The following PAX5 variants were observed in gnomAD, a reference collection of about 807,000 sequenced individuals.
The protein encoded by PAX5 is paired box 5, also known as paired box protein Pax-5.
Under a neutral mutation model 43.7 loss-of-function variants are expected in PAX5, and 9 were observed. The observed-to-expected ratio is 0.21, with a 90% confidence interval of 0.12 to 0.36. The LOEUF (loss-of-function observed/expected upper bound fraction) is 0.36. Ranked by LOEUF, PAX5 falls within the 10% of genes least tolerant of loss-of-function variation. The probability of loss-of-function intolerance (pLI) is 1.00; values close to 1 mark genes in which losing one functional copy is unlikely to be tolerated. For synonymous variants in PAX5, 228 were observed against 214.3 expected, an observed-to-expected ratio of 1.06 and a Z score of -0.56; for missense variants, 383 against 532.7, an observed-to-expected ratio of 0.72 and a Z score of 2.77.
intron 7 of PAX5, among the ~76,000 whole-genome samples, chr9:36,910,289 G>C (rs374947498): frequency 1.1e-4 from 17 of 151,850 alleles, no homozygotes; most frequent in African/African-American, 4.1e-4. Flanking sequence ...CCTTTTTTAC[G>C]CAAAGGCAGC....
At chr9:36,949,722 T>C (rs916612899) in intron 6 of PAX5, among the ~76,000 whole-genome samples, 2 of 152,164 alleles carry the variant, frequency 1.3e-5, no homozygotes, top group African/African-American at 4.8e-5. Context: ...CACTCCCCAG[T>C]AGAAAGCACA....
chr9:37,008,571 C>T (rs1247751614), intron 3 of PAX5, among the ~76,000 whole-genome samples: 1 of 152,166 alleles, frequency 6.6e-6, no homozygotes, highest in Non-Finnish European at 1.5e-5. Context: ...GCTTGGTGCT[C>T]GGCACCAAGG....
chr9:36,972,611 G>C (rs534184536), intron 5 of PAX5, among the ~76,000 whole-genome samples: 85 of 152,312 alleles, frequency 5.6e-4, no homozygotes, highest in African/African-American at 1.9e-3. Flanking sequence ...CCATCCTCTT[G>C]AATGAGCACT....
Position 37,034,184 on chromosome 9 carries a change from C to T in PAX5, c.-153G>A, listed in dbSNP as rs1231477440. 2 of 599,408 alleles carry T rather than the reference C, an allele frequency of 3.3e-6. No homozygotes were observed. Among genetic ancestry groups the T allele is most frequent in the African/African-American group, 2.0e-5 (1 of 51,212 alleles). The allele number at this position is 599,408 out of a possible 1,614,324, so 37.1% of individuals were successfully genotyped here. ...TCAAGCCTTCCGCTCCCCCGCCGAG[C>T]TGGGGTAGCTGATCACTGAGCTGAA... On this transcript the variant is annotated 5_prime_UTR_variant, in exon 1 of 10. Transcript: ENST00000358127.
chr9:37,023,049 G>A (rs541325926), intron 1 of PAX5, among the ~76,000 whole-genome samples: 4 of 152,260 alleles, frequency 2.6e-5, no homozygotes, highest in South Asian at 2.1e-4. Context: ...TGAATGAGGC[G>A]AGGCAGGACA....
At chr9:36,930,867 T>C in intron 6 of PAX5, 4 of 1,308,268 alleles carry the variant, frequency 3.1e-6, no homozygotes, top group Non-Finnish European at 4.0e-6. Flanking sequence ...CTGGGCATCA[T>C]TTGGGTCCCT....
chr9:37,020,712 G>T lies in PAX5; in HGVS notation c.136C>A (p.His46Asn). The change falls in exon 2 of 10, where the codon CAT becomes AAT. Residue 46 changes from histidine to asparagine, a missense_variant. His to Asn is a moderately conservative substitution (Grantham distance 68). Coordinates refer to ENST00000358127, the MANE Select transcript of PAX5 (RefSeq NM_016734.3). The stretch of plus-strand genomic sequence containing the variant: ...ATGTCGCAGGGCCTGACACCTTGAT[G>T]AGCAAGTTCCACTATCCTCTGGCGG... ...VVRQRIVELAHQGVRPCDISR... is the reference protein window; with the variant it reads ...VVRQRIVELANQGVRPCDISR... 7 of 1,614,174 alleles carry T rather than the reference G, an allele frequency of 4.3e-6. No homozygotes were observed. The highest frequency in any genetic ancestry group is 5.9e-6 in the Non-Finnish European group (7 of 1,180,038).
At chr9:36,876,573 T>A (rs1006941749) in intron 8 of PAX5, among the ~76,000 whole-genome samples, 1 of 152,250 alleles carries the variant, frequency 6.6e-6, no homozygotes, top group African/African-American at 2.4e-5. Context: ...TTTGCAACCA[T>A]GTTAGGTTGC....
chr9:36,965,701 C>T (rs1381200425), intron 6 of PAX5, among the ~76,000 whole-genome samples: 1 of 152,200 alleles, frequency 6.6e-6, no homozygotes, highest in Non-Finnish European at 1.5e-5. Flanking sequence ...AGGAAAGTGC[C>T]GAGGAAAGTT....
chr9:36,904,505 T>C (rs1390140968), intron 7 of PAX5, among the ~76,000 whole-genome samples: 1 of 152,010 alleles, frequency 6.6e-6, no homozygotes, highest in African/African-American at 2.4e-5. Flanking sequence ...CATTTATAGA[T>C]GATCTCAGGG....
intron 8 of PAX5, among the ~76,000 whole-genome samples, chr9:36,869,773 A>G (rs958742844): frequency 6.6e-6 from 1 of 152,250 alleles, no homozygotes; most frequent in African/African-American, 2.4e-5. Flanking sequence ...GGAGAAGGAA[A>G]GGAAGGAAGC....
At chr9:36,923,599 G>A in intron 6 of PAX5, 115 bp from the exon 7 acceptor site, 1 of 1,191,464 alleles carries the variant, frequency 8.4e-7, no homozygotes, top group Non-Finnish European at 1.2e-6. Context: ...CCTGTGCCAA[G>A]GCCCACAAGG....
rs774995170 is a variant in PAX5 at position 36,835,197 on chromosome 9, A to G, written c.*5363T>C. ...TTCTGAATGGTGGCTACGTTTACCC[A>G]TCTTGGAGATGAGCTAAAGGGGACC... On this transcript the variant is annotated 3_prime_UTR_variant, in exon 10 of 10. Transcript: ENST00000358127. 7.3e-5 allele frequency: 17 copies of G among 233,148 alleles called. No homozygotes were observed. The highest frequency in any genetic ancestry group is 1.1e-4 in the Non-Finnish European group (13 of 118,032). 14.4% of individuals were successfully genotyped at this position (233,148 alleles called of 1,614,324 possible).
intron 5 of PAX5, among the ~76,000 whole-genome samples, chr9:36,969,674 C>A (rs7858982): frequency 6.6e-6 from 1 of 152,252 alleles, no homozygotes; most frequent in Admixed American, 6.5e-5. Flanking sequence ...ATAGCCTCTG[C>A]CAGCTGAGCC....
At chr9:37,030,899 A>T (rs1015083018) in intron 1 of PAX5, among the ~76,000 whole-genome samples, 1 of 152,264 alleles carries the variant, frequency 6.6e-6, no homozygotes, top group African/African-American at 2.4e-5. Context: ...AATAGGGCTC[A>T]GACTGGTTGC....
At chr9:36,925,422 A>G (rs1029241047) in intron 6 of PAX5, among the ~76,000 whole-genome samples, 2 of 152,190 alleles carry the variant, frequency 1.3e-5, no homozygotes, top group Non-Finnish European at 2.9e-5. Context: ...GAGCTACAGT[A>G]ATTAAGACAG....
chr9:36,848,199 C>T (rs1296311596), intron 8 of PAX5, among the ~76,000 whole-genome samples: 1 of 152,086 alleles, frequency 6.6e-6, no homozygotes, highest in Admixed American at 6.5e-5. Context: ...CAAGAGCCTG[C>T]TCTCTCTCCT....
chr9:36,950,977 C>T (rs548577987), intron 6 of PAX5, among the ~76,000 whole-genome samples: 3 of 152,176 alleles, frequency 2.0e-5, no homozygotes, highest in Admixed American at 1.3e-4. Flanking sequence ...CTCCTGACCT[C>T]GTGATCCGCC....
chr9:37,022,041 TG>T (rs970563740), intron 1 of PAX5, among the ~76,000 whole-genome samples: 1 of 152,184 alleles, frequency 6.6e-6, no homozygotes, highest in Non-Finnish European at 1.5e-5. Context: ...CCCAGGTTCA[TG>T]AACCTCATCT....
Sources: gnomAD v4.1 joint callset for allele counts (sites outside exome capture counted in the v4.1 genomes callset) on GRCh38, gnomAD v4.1.1 for gene constraint, MANE v1.5 for transcripts, NCBI Gene and HGNC (gene_info 2026-07-23, HGNC 2026-07-21) for gene names.